LSAMP: variants seen among roughly 807,000 people sequenced by gnomAD.
LSAMP encodes limbic system associated membrane protein.
Under a neutral mutation model 38.6 loss-of-function variants are expected in LSAMP, and 7 were observed. That is an observed-to-expected ratio of 0.18 (90% CI 0.10 to 0.34). LSAMP has a LOEUF of 0.34. LSAMP is among the 10% of genes least tolerant of loss of function. The probability of loss-of-function intolerance (pLI) is 1.00; values close to 1 mark genes in which losing one functional copy is unlikely to be tolerated. For synonymous variants in LSAMP, 154 were observed against 166.8 expected, an observed-to-expected ratio of 0.92 and a Z score of 0.59; for missense variants, 313 against 420.0, an observed-to-expected ratio of 0.75 and a Z score of 2.23.
At chr3:116,242,763 T>C (rs1012142737) in intron 1 of LSAMP, among the ~76,000 whole-genome samples, 17 of 148,930 alleles carry the variant, frequency 1.1e-4, no homozygotes, top group Non-Finnish European at 2.1e-4. Flanking sequence ...AGTTTTAACA[T>C]TGAAAAAAAA....
At chr3:116,217,705 A>G (rs2046237647) in intron 1 of LSAMP, among the ~76,000 whole-genome samples, 1 of 152,236 alleles carries the variant, frequency 6.6e-6, no homozygotes, top group Non-Finnish European at 1.5e-5. Context: ...AGTGTCTTCA[A>G]CTATGAATGA....
chr3:116,160,647 A>G (rs928617705), intron 1 of LSAMP, among the ~76,000 whole-genome samples: 2 of 152,210 alleles, frequency 1.3e-5, no homozygotes, highest in South Asian at 2.1e-4. Flanking sequence ...AAACCTGCAC[A>G]TATACCCCTG....
At chr3:115,945,091 T>C (rs1250157243) in intron 3 of LSAMP, among the ~76,000 whole-genome samples, 1 of 152,164 alleles carries the variant, frequency 6.6e-6, no homozygotes, top group East Asian at 1.9e-4. Context: ...GTACCTTCCA[T>C]AAAACTCATA....
intron 1 of LSAMP, among the ~76,000 whole-genome samples, chr3:116,294,385 T>C (rs1159825744): frequency 6.6e-6 from 1 of 152,192 alleles, no homozygotes; most frequent in Non-Finnish European, 1.5e-5. Context: ...TACTAAAGGA[T>C]TTGAATGTTC....
At chr3:116,207,480 A>AT (rs1308074810) in intron 1 of LSAMP, among the ~76,000 whole-genome samples, 1 of 148,512 alleles carries the variant, frequency 6.7e-6, no homozygotes, top group African/African-American at 2.5e-5. Flanking sequence ...TCGTTAGTTG[A>AT]TGCAGTTTCT....
At chr3:115,822,886 T>A (rs1475300223) in intron 6 of LSAMP, among the ~76,000 whole-genome samples, 2 of 152,198 alleles carry the variant, frequency 1.3e-5, no homozygotes, top group Non-Finnish European at 2.9e-5. Context: ...GGACTTCAGT[T>A]TGGTGCTCTG....
At chr3:116,007,103 G>GTT in intron 3 of LSAMP, among the ~76,000 whole-genome samples, 1 of 150,268 alleles carries the variant, frequency 6.7e-6, no homozygotes, top group East Asian at 2.0e-4. Flanking sequence ...AATTATTGAA[G>GTT]TTTTTTTTTT....
intron 1 of LSAMP, among the ~76,000 whole-genome samples, chr3:116,398,580 T>C (rs1235011672): frequency 6.6e-6 from 1 of 152,128 alleles, no homozygotes; most frequent in Non-Finnish European, 1.5e-5. Context: ...CTAGACTACA[T>C]GGGAAAATCA....
intron 1 of LSAMP, among the ~76,000 whole-genome samples, chr3:116,355,297 CTT>C (rs544154399): frequency 2.0e-5 from 3 of 151,942 alleles, no homozygotes; most frequent in Non-Finnish European, 4.4e-5. Context: ...ATAAAAATGT[CTT>C]ATTTATTTGA....
chr3:116,225,509 C>T (rs942433107), intron 1 of LSAMP, among the ~76,000 whole-genome samples: 8 of 152,132 alleles, frequency 5.3e-5, no homozygotes, highest in African/African-American at 1.9e-4. Context: ...CACCAGGAAA[C>T]TAATACAACC....
chr3:116,371,744 T>G (rs1225326029), intron 1 of LSAMP, among the ~76,000 whole-genome samples: 1 of 152,032 alleles, frequency 6.6e-6, no homozygotes, highest in Non-Finnish European at 1.5e-5. Flanking sequence ...AAAAGTACAT[T>G]TATCTCTCTT....
chr3:116,199,668 G>T (rs2045963047), intron 1 of LSAMP, among the ~76,000 whole-genome samples: 1 of 152,172 alleles, frequency 6.6e-6, no homozygotes, highest in African/African-American at 2.4e-5. Context: ...ATTTCCAGAA[G>T]ATGAACAGTA....
chr3:116,435,376 C>A (rs978357971), intron 1 of LSAMP, among the ~76,000 whole-genome samples: 2 of 152,180 alleles, frequency 1.3e-5, no homozygotes, highest in African/African-American at 4.8e-5. Context: ...TGAGTCTTCA[C>A]CATCAGCTGA....
At chr3:116,438,472 A>C (rs1171098268) in intron 1 of LSAMP, among the ~76,000 whole-genome samples, 1 of 152,216 alleles carries the variant, frequency 6.6e-6, no homozygotes, top group Non-Finnish European at 1.5e-5. Context: ...TGAACTTATT[A>C]CATCCTTTAT....
chr3:115,930,425 G>A (rs897890057), intron 3 of LSAMP, among the ~76,000 whole-genome samples: 3 of 152,034 alleles, frequency 2.0e-5, no homozygotes, highest in African/African-American at 7.2e-5. Context: ...ACTATGAGGT[G>A]GCTAACGTGG....
chr3:116,196,397 C>T (rs1710883082), intron 1 of LSAMP, among the ~76,000 whole-genome samples: 1 of 152,062 alleles, frequency 6.6e-6, no homozygotes, highest in Non-Finnish European at 1.5e-5. Context: ...TATTTTTTGA[C>T]AACAATTGAT....
intron 6 of LSAMP, among the ~76,000 whole-genome samples, chr3:115,827,665 A>G (rs976705750): frequency 1.3e-5 from 2 of 152,126 alleles, no homozygotes; most frequent in Non-Finnish European, 2.9e-5. Flanking sequence ...CCAGGGTCCA[A>G]TTAGGAAGCA....
At chr3:116,207,218 G>T (rs977418277) in intron 1 of LSAMP, among the ~76,000 whole-genome samples, 2 of 151,770 alleles carry the variant, frequency 1.3e-5, no homozygotes, top group African/African-American at 4.8e-5. Flanking sequence ...CAGAGACTAG[G>T]ATTGCAACCC....
intron 4 of LSAMP, among the ~76,000 whole-genome samples, chr3:115,849,749 C>A (rs1047907358): frequency 6.6e-6 from 1 of 152,146 alleles, no homozygotes; most frequent in Non-Finnish European, 1.5e-5. Context: ...CTTAATACAA[C>A]TATATTTAAG....
Sources: gnomAD v4.1 joint callset for allele counts (sites outside exome capture counted in the v4.1 genomes callset) on GRCh38, gnomAD v4.1.1 for gene constraint, MANE v1.5 for transcripts, NCBI Gene and HGNC (gene_info 2026-07-23, HGNC 2026-07-21) for gene names.